BPTF: variants seen among roughly 807,000 people sequenced by gnomAD.
BPTF encodes bromodomain PHD finger transcription factor, also known as nucleosome-remodeling factor subunit BPTF.
Under a neutral mutation model 292.5 loss-of-function variants are expected in BPTF, and 18 were observed. That is an observed-to-expected ratio of 0.06 (90% CI 0.04 to 0.09). The LOEUF is 0.09. Ranked by LOEUF, BPTF falls within the 10% of genes least tolerant of loss-of-function variation. BPTF has a pLI of 1.00. For missense variants in BPTF, 2,726 were observed against 3,498.7 expected, an observed-to-expected ratio of 0.78 and a Z score of 5.57; for synonymous variants, 1,225 against 1,251.9, an observed-to-expected ratio of 0.98 and a Z score of 0.45.
At chr17:67,876,366 A>C (rs2060049628) in intron 4 of BPTF, among the ~76,000 whole-genome samples, 1 of 152,232 alleles carries the variant, frequency 6.6e-6, no homozygotes, top group Admixed American at 6.5e-5. Context: ...CTTCCATTTG[A>C]GTACTGGTCA....
At chr17:67,898,943 T>A (rs934300058) in intron 7 of BPTF, among the ~76,000 whole-genome samples, 12 of 141,366 alleles carry the variant, frequency 8.5e-5, no homozygotes, top group Admixed American at 2.1e-4. Flanking sequence ...AAAAAAAAAA[T>A]TTCTAAAAGT....
intron 25 of BPTF, chr17:67,965,333 ACT>A (rs1325681479): frequency 2.0e-5 from 3 of 150,034 alleles, no homozygotes; most frequent in Non-Finnish European, 4.4e-5. Flanking sequence ...ACAGTGTGAG[ACT>A]CTGTCTCAGA....
At position 67,927,844 on chromosome 17, in the gene BPTF, T is replaced by TA. The variant is rs568923157; in HGVS notation, c.5752-511_5752-510insA. 7.2e-5 allele frequency among the ~76,000 whole-genome samples: 11 copies of TA among 152,286 alleles called. No homozygotes were observed. The South Asian group carries it at 1.4e-3, about 20-fold the overall frequency. On this transcript the variant is annotated intron_variant, in intron 15 of 27. Transcript: ENST00000306378. The stretch of plus-strand genomic sequence containing the variant: ...TTCATAGATAGGTACCTTGGAGGAA[T>TA]TAAAAATATATATATGGCCTTCATC...
At chr17:67,826,585 C>CA (rs1004623279) in intron 1 of BPTF, among the ~76,000 whole-genome samples, 2 of 147,828 alleles carry the variant, frequency 1.4e-5, no homozygotes, top group Non-Finnish European at 3.0e-5. Context: ...CTCTCTCCCC[C>CA]CCCCAACCCC....
rs184809717 is a variant in BPTF, at chr17:67,910,398, T to C, written c.2993-479T>C. ...CTAGGAATGGAATTACTGGATCATA[T>C]GGTAACTCTGTTTAACCTTTTGAGG... On this transcript the variant is annotated intron_variant, in intron 10 of 27. Transcript: ENST00000306378. Among the ~76,000 whole-genome samples the C allele has an allele frequency of 2.6e-5, 4 of 152,350 alleles. No homozygotes were observed. In the East Asian group the frequency reaches 7.7e-4, roughly 29 times the overall value.
chr17:67,893,100 T>G, intron 5 of BPTF: 1 of 419,384 alleles, frequency 2.4e-6, no homozygotes, highest in East Asian at 5.1e-5. Context: ...ATTTGAAGTA[T>G]TAATACATGA....
chr17:67,885,915 C>G (rs1018774566), intron 4 of BPTF, among the ~76,000 whole-genome samples: 9 of 151,826 alleles, frequency 5.9e-5, no homozygotes, highest in Admixed American at 1.3e-4. Flanking sequence ...CCTCACCCCC[C>G]CAAAAAAAGT....
intron 3 of BPTF, among the ~76,000 whole-genome samples, chr17:67,871,836 G>GT (rs960816895): frequency 2.6e-5 from 4 of 151,666 alleles, no homozygotes; most frequent in South Asian, 2.1e-4. Context: ...TTTTGTTTTT[G>GT]TTTTTTTGAG....
In BPTF at chr17:67,928,524, C is replaced by T; in HGVS notation, c.5921C>T (p.Ala1974Val). 6.2e-7 allele frequency: 1 copy of T among 1,614,114 alleles called. No individual in the cohort carries two copies. Among genetic ancestry groups the T allele is most frequent in the Non-Finnish European group, 8.5e-7 (1 of 1,179,984 alleles). ...CTAACTACTAAAGTTGGATCTCCAG[C>T]TACAGTAACATTCCAACAAAACAAG... is the stretch of plus-strand genomic sequence containing the variant. ...MVLTTKVGSP[A>V]TVTFQQNKNF... Residue 1974 changes from alanine to valine, a missense_variant, in exon 16 of 28, where the codon GCT (alanine) becomes GTT (valine). Around this residue, in one of 22 missense-constraint regions of BPTF, gnomAD observed 198 missense variants for 277.1 expected, o/e 0.71. Coordinates refer to ENST00000306378, the MANE Select transcript of BPTF (RefSeq NM_182641.4).
At position 67,887,603 on chromosome 17, in the gene BPTF, A is replaced by G. The variant is rs1184366011; in HGVS notation, c.1865-4241A>G. ...TAATTTTCATTTGATATGAGTTGGA[A>G]ATCTGTTTTAATTAGGACTTTTTCA... On this transcript the variant is annotated intron_variant, in intron 4 of 27. Transcript: ENST00000306378. Among the ~76,000 whole-genome samples, 3 of 152,128 alleles carry G rather than the reference A, an allele frequency of 2.0e-5. No homozygotes were observed. The East Asian group carries it at 5.8e-4, about 29-fold the overall frequency.
chr17:67,902,905 A>G (rs541927509), intron 7 of BPTF, among the ~76,000 whole-genome samples: 78 of 152,330 alleles, frequency 5.1e-4, no homozygotes, highest in African/African-American at 1.9e-3. Flanking sequence ...GCTCTTAGAG[A>G]CAAGAGCTCC....
In BPTF at chr17:67,913,167, G is replaced by A. The variant is rs370226933; in HGVS notation, c.5283G>A (p.Pro1761=). ...TATGGCCATATCCTTCTCCTAGACC[G>A]ACCTTTGGCATCACTTGGAGGTATG... is the stretch of plus-strand genomic sequence containing the variant. The part of the protein sequence containing the change: ...LDIWPYPSPR[P]TFGITWRYRL... Residue 1761 remains proline, a synonymous_variant, in exon 11 of 28, where the codon CCG becomes CCA. Coordinates refer to ENST00000306378, the MANE Select transcript of BPTF (RefSeq NM_182641.4). 3.4e-5 allele frequency: 55 copies of A among 1,603,232 alleles called. No individual in the cohort carries two copies. Among genetic ancestry groups the A allele is most frequent in the East Asian group, 4.5e-5 (2 of 44,842 alleles).
rs765715313 is a variant in BPTF, at chr17:67,866,576, T to C, written c.1549T>C (p.Cys517Arg). The C allele has an allele frequency of 6.2e-7, 1 of 1,614,080 alleles. No homozygotes were observed. Among genetic ancestry groups the C allele is most frequent in the Admixed American group, 1.7e-5 (1 of 60,022 alleles). ...LDKDYWEAEL[C>R]KILEEMREEI... ...CAAAGATTATTGGGAAGCAGAACTC[T>C]GCAAAATTCTAGAAGAAATGCGTGA... The change falls in exon 3 of 28, where the codon TGC becomes CGC. Residue 517 changes from cysteine (C) to arginine (R), a missense_variant. This residue lies in a region of BPTF where 187 missense variants were observed against 201.5 expected (regional missense o/e 0.93). Transcript: ENST00000306378.
intron 2 of BPTF, among the ~76,000 whole-genome samples, chr17:67,863,801 T>C (rs2059229135): frequency 6.6e-6 from 1 of 152,238 alleles, no homozygotes; most frequent in African/African-American, 2.4e-5. Context: ...TAGTGTTCTT[T>C]ACTCTTCATT....
intron 1 of BPTF, among the ~76,000 whole-genome samples, chr17:67,831,863 T>C (rs2056713570): frequency 6.6e-6 from 1 of 152,124 alleles, no homozygotes. Flanking sequence ...ATCTCAGCAC[T>C]AGCTTAATGC....
chr17:67,976,079 A>T (rs534940775), intron 27 of BPTF, 121 bp downstream of exon 27: 127 of 737,698 alleles, frequency 1.7e-4, no homozygotes, highest in African/African-American at 1.2e-3. Context: ...CTTTAAAAAA[A>T]AAATAAATAA....
chr17:67,879,496 C>T (rs1388970188), intron 4 of BPTF, among the ~76,000 whole-genome samples: 1 of 152,122 alleles, frequency 6.6e-6, no homozygotes, highest in Non-Finnish European at 1.5e-5. Context: ...GGAGTTTTCA[C>T]TGTGAGAAGG....
intron 4 of BPTF, among the ~76,000 whole-genome samples, chr17:67,876,924 A>G (rs1262499585): frequency 6.6e-6 from 1 of 152,192 alleles, no homozygotes; most frequent in East Asian, 1.9e-4. Flanking sequence ...TCAGAGGGGA[A>G]TTTGGGTCAT....
chr17:67,901,224 C>A (rs1486626630), intron 7 of BPTF, among the ~76,000 whole-genome samples: 1 of 151,254 alleles, frequency 6.6e-6, no homozygotes, highest in African/African-American at 2.4e-5. Flanking sequence ...CATTGCACAT[C>A]ACAAAGGGAA....
Sources: gnomAD v4.1 joint callset for allele counts (sites outside exome capture counted in the v4.1 genomes callset) on GRCh38, gnomAD v4.1.1 for gene constraint, gnomAD v4.1.1 regional missense constraint, MANE v1.5 for transcripts, NCBI Gene and HGNC (gene_info 2026-07-23, HGNC 2026-07-21) for gene names.